The following HOMER2 variants were observed in gnomAD, a reference collection of about 807,000 sequenced individuals.
HOMER2 encodes homer scaffold protein 2.
HOMER2 carries 27 observed loss-of-function variants against 47.0 expected under a neutral mutation model. That is an observed-to-expected ratio of 0.57 (90% CI 0.42 to 0.79). The LOEUF (loss-of-function observed/expected upper bound fraction) is 0.79. Among genes scored for constraint, HOMER2 ranks in the 30% least tolerant of loss-of-function variants. The pLI is 0.00. For missense variants in HOMER2, 443 were observed against 435.0 expected (o/e 1.02, Z -0.16); for synonymous variants, 161 against 163.8 (o/e 0.98, Z 0.13).
At chr15:82,935,631 G>T (rs2151205850) in intron 1 of HOMER2, among the ~76,000 whole-genome samples, 1 of 152,078 alleles carries the variant, frequency 6.6e-6, no homozygotes, top group South Asian at 2.1e-4. Flanking sequence ...ATCCTAACTT[G>T]CTCCTCTTCC....
In HOMER2 at chr15:82,944,860, G is replaced by A. The variant is rs114922060; in HGVS notation, c.5+7671C>T. Among the ~76,000 whole-genome samples the A allele has an allele frequency of 6.3e-3, 965 of 152,210 alleles. 10 individuals are homozygous for A. Among genetic ancestry groups the A allele is most frequent in the African/African-American group, 0.022 (922 of 41,510 alleles). On this transcript the variant is annotated intron_variant, in intron 1 of 8. Transcript: ENST00000450735. ...GGGAATTCTCTTTGAAGGAGGGGGT[G>A]TGATATACACCAAAGAACCTTCAAA...
At chr15:82,953,916 A>G (rs942802454), upstream of HOMER2, among the ~76,000 whole-genome samples, 28 of 151,820 alleles carry the variant, frequency 1.8e-4, no homozygotes, top group Non-Finnish European at 7.4e-5. Context: ...TAAATACATA[A>G]ATAGCCGGGT....
chr15:82,849,571 T>C lies in HOMER2; in HGVS notation c.*144A>G. On this transcript the variant is annotated 3_prime_UTR_variant, in exon 9 of 9. Transcript: ENST00000450735. ...AGGAGATTTCTATTCTGAAAAGGAG[T>C]GAGTGGACGGCACAACTGGTTTGGA... 1.6e-6 allele frequency: 1 copy of C among 645,124 alleles called. No homozygotes were observed. Among genetic ancestry groups the C allele is most frequent in the Non-Finnish European group, 2.6e-6 (1 of 381,280 alleles). The allele number at this position is 645,124 out of a possible 1,614,324, so 40.0% of individuals were successfully genotyped here. A position where few individuals can be genotyped will look rare whatever the true frequency, so the allele number is the denominator to read the frequency against.
chr15:82,925,280 A>G (rs1266335964), intron 1 of HOMER2, among the ~76,000 whole-genome samples: 1 of 152,190 alleles, frequency 6.6e-6, no homozygotes, highest in Non-Finnish European at 1.5e-5. Flanking sequence ...GACCATGTTC[A>G]TCAACCAGCC....
chr15:82,908,162 G>C (rs763540015), intron 1 of HOMER2, among the ~76,000 whole-genome samples: 1 of 152,094 alleles, frequency 6.6e-6, no homozygotes, highest in South Asian at 2.1e-4. Flanking sequence ...GAATGAAAAT[G>C]TTCTATAAAA....
At chr15:82,985,190 G>C (rs892745066) in intron 1 of HOMER2, among the ~76,000 whole-genome samples, 1 of 152,144 alleles carries the variant, frequency 6.6e-6, no homozygotes, top group Admixed American at 6.5e-5. Flanking sequence ...ACTGACTGAG[G>C]GAGAATGGAA....
chr15:82,867,556 A>T (rs533850295), intron 3 of HOMER2, among the ~76,000 whole-genome samples: 1 of 152,328 alleles, frequency 6.6e-6, no homozygotes, highest in East Asian at 1.9e-4. Context: ...AGCTTATAGA[A>T]AACACCATTC....
intron 1 of HOMER2, among the ~76,000 whole-genome samples, chr15:82,920,848 T>TA (rs2053710559): frequency 6.9e-6 from 1 of 144,570 alleles, no homozygotes; most frequent in South Asian, 2.1e-4. Flanking sequence ...AAAACAATCT[T>TA]TTTTTTTTTT....
chr15:82,842,803 G>A (rs1051625457), exon 2 of HOMER2: 3 of 152,094 alleles, frequency 2.0e-5, no homozygotes, highest in African/African-American at 7.2e-5. Flanking sequence ...CTAGGTGTAT[G>A]GCAAAAATGG....
intron 1 of HOMER2, among the ~76,000 whole-genome samples, chr15:82,945,742 G>A (rs185563780): frequency 4.6e-5 from 7 of 152,120 alleles, no homozygotes; most frequent in East Asian, 3.9e-4. Context: ...AGGCCAAGGC[G>A]GGCAAATCAC....
At chr15:82,967,832 G>A (rs931343174) in intron 1 of HOMER2, among the ~76,000 whole-genome samples, 1 of 151,104 alleles carries the variant, frequency 6.6e-6, no homozygotes, top group African/African-American at 2.4e-5. Flanking sequence ...AGCCAAGATC[G>A]CACCACTGCA....
At chr15:82,950,862 A>T (rs1275065372) in intron 1 of HOMER2, among the ~76,000 whole-genome samples, 4 of 152,310 alleles carry the variant, frequency 2.6e-5, no homozygotes, top group Non-Finnish European at 5.9e-5. Context: ...TTTCCACAGA[A>T]CTATTTGATC....
At chr15:82,851,065 A>T (rs2075944427) in intron 8 of HOMER2, 86 bp downstream of exon 8, 1 of 897,296 alleles carries the variant, frequency 1.1e-6, no homozygotes, top group Non-Finnish European at 1.8e-6. Context: ...TCTCAGTGTG[A>T]AAGTGATAGG....
intron 1 of HOMER2, among the ~76,000 whole-genome samples, chr15:82,964,418 A>C (rs2054656136): frequency 6.6e-6 from 1 of 152,222 alleles, no homozygotes; most frequent in Non-Finnish European, 1.5e-5. Flanking sequence ...CTTATTTCTT[A>C]CAGGTCAAGC....
intron 1 of HOMER2, among the ~76,000 whole-genome samples, chr15:82,919,236 T>G (rs2053666601): frequency 6.6e-6 from 1 of 152,196 alleles, no homozygotes; most frequent in Non-Finnish European, 1.5e-5. Context: ...AGCTCAGGTC[T>G]CTCCCATTTA....
At chr15:82,937,737 C>T (rs555818515) in intron 1 of HOMER2, among the ~76,000 whole-genome samples, 2 of 152,298 alleles carry the variant, frequency 1.3e-5, no homozygotes, top group African/African-American at 4.8e-5. Context: ...GCAGGCTCCC[C>T]CTCCTCCCAC....
intron 2 of HOMER2, among the ~76,000 whole-genome samples, chr15:82,876,769 A>G (rs2151073054): frequency 6.6e-6 from 1 of 152,342 alleles, no homozygotes; most frequent in South Asian, 2.1e-4. Context: ...GAAGACAAAA[A>G]AAGTTTGAAT....
At chr15:82,882,854 G>T (rs1284452876) in intron 2 of HOMER2, among the ~76,000 whole-genome samples, 1 of 91,972 alleles carries the variant, frequency 1.1e-5, no homozygotes, top group Non-Finnish European at 2.1e-5. Context: ...CTCAAAATGA[G>T]CTGAGTCCAT....
At position 82,964,520 on chromosome 15, in the gene HOMER2, CTT is replaced by C. The variant is rs2054656669; in HGVS notation, n.83-5214_83-5213del. On this transcript the variant is annotated intron_variant and non_coding_transcript_variant, in intron 1 of 1. Transcript: ENST00000500334. ...GTGGCTCACGCCTGTAATCCCAACA[CTT>C]TGGGAGGCCAAGGTGGGCAGATCAC... is the stretch of plus-strand genomic sequence containing the variant. Among the ~76,000 whole-genome samples the C allele has an allele frequency of 2.0e-5, 3 of 152,368 alleles. No individual in the cohort carries two copies. The South Asian group carries it at 6.2e-4, about 32-fold the overall frequency.
Sources: gnomAD v4.1 joint callset for allele counts (sites outside exome capture counted in the v4.1 genomes callset) on GRCh38, gnomAD v4.1.1 for gene constraint, MANE v1.5 for transcripts, NCBI Gene and HGNC (gene_info 2026-07-23, HGNC 2026-07-21) for gene names.